CNTN5: variants seen among roughly 807,000 people sequenced by gnomAD.
CNTN5 encodes the protein contactin-5.
CNTN5 carries 77 observed loss-of-function variants against 129.1 expected under a neutral mutation model. That is an observed-to-expected ratio of 0.60 (90% confidence interval 0.50 to 0.72). The LOEUF (loss-of-function observed/expected upper bound fraction) is 0.72. CNTN5 is among the 30% of genes least tolerant of loss of function. The pLI, the probability that CNTN5 is intolerant of heterozygous loss-of-function variation, is 0.00. For missense variants in CNTN5, 1,478 were observed against 1,328.8 expected (o/e 1.11, Z -1.75); for synonymous variants, 509 against 465.6 (o/e 1.09, Z -1.20).
intron 9 of CNTN5, among the ~76,000 whole-genome samples, chr11:100,043,152 A>C (rs924129718): frequency 6.6e-6 from 1 of 152,220 alleles, no homozygotes. Context: ...TTTAAATCTT[A>C]AACACTTACA....
At chr11:99,765,504 T>A (rs1213126913) in intron 3 of CNTN5, among the ~76,000 whole-genome samples, 1 of 151,922 alleles carries the variant, frequency 6.6e-6, no homozygotes, top group Admixed American at 6.6e-5. Context: ...TGATTTGATA[T>A]AGAAGATTAA....
At chr11:100,092,007 A>G (rs531284475) in intron 13 of CNTN5, among the ~76,000 whole-genome samples, 22 of 152,208 alleles carry the variant, frequency 1.4e-4, no homozygotes, top group African/African-American at 5.1e-4. Context: ...AGTATTATAT[A>G]CCACTCTGAA....
rs1478332933 is a variant in CNTN5, at chr11:99,916,099, G to C, written c.623G>C (p.Arg208Thr). Reference protein sequence around the residue: ...SGRTRSAVSVREGQGVVLMCS... With the variant: ...SGRTRSAVSVTEGQGVVLMCS... ...CGGACAAGAAGTGCAGTCTCTGTGA[G>C]GGAAGGCCAGGGTGTCGTTCTGATG... The change falls in exon 7 of 25, where the codon AGG (arginine) becomes ACG (threonine). Residue 208 changes from arginine (R) to threonine (T), a missense_variant. Coordinates refer to ENST00000524871, the MANE Select transcript of CNTN5 (RefSeq NM_014361.4). 1 of 1,612,356 alleles carries C rather than the reference G, an allele frequency of 6.2e-7. No homozygotes were observed. The highest frequency in any genetic ancestry group is 8.5e-7 in the Non-Finnish European group (1 of 1,179,252).
At chr11:99,327,880 C>G (rs1012238074) in intron 2 of CNTN5, among the ~76,000 whole-genome samples, 1 of 152,140 alleles carries the variant, frequency 6.6e-6, no homozygotes, top group Non-Finnish European at 1.5e-5. Context: ...ATAACTTATA[C>G]AACTCATCCA....
At chr11:100,251,481 T>C (rs764680306) in intron 16 of CNTN5, among the ~76,000 whole-genome samples, 1 of 152,110 alleles carries the variant, frequency 6.6e-6, no homozygotes, top group Non-Finnish European at 1.5e-5. Context: ...TTGTTAACTA[T>C]AGTCATCCTA....
At chr11:99,346,440 G>C (rs1469850270) in intron 2 of CNTN5, among the ~76,000 whole-genome samples, 1 of 152,178 alleles carries the variant, frequency 6.6e-6, no homozygotes, top group Non-Finnish European at 1.5e-5. Context: ...AGGCCTGGTG[G>C]CCCTTGTGAC....
chr11:100,306,300 G>A (rs1175725183), intron 20 of CNTN5, among the ~76,000 whole-genome samples: 3 of 151,526 alleles, frequency 2.0e-5, no homozygotes, highest in Non-Finnish European at 3.0e-5. Flanking sequence ...CTTTCTATTT[G>A]AGAAATACTT....
chr11:99,096,765 A>G (rs912832858), intron 1 of CNTN5, among the ~76,000 whole-genome samples: 2 of 151,736 alleles, frequency 1.3e-5, no homozygotes, highest in Non-Finnish European at 3.0e-5. Context: ...AAACTAGTCT[A>G]CTAAATACGT....
At chr11:99,712,009 G>A (rs1359757097) in intron 3 of CNTN5, among the ~76,000 whole-genome samples, 3 of 151,992 alleles carry the variant, frequency 2.0e-5, no homozygotes, top group Non-Finnish European at 4.4e-5. Context: ...TAATATAATG[G>A]CTAGGTCAAA....
intron 1 of CNTN5, among the ~76,000 whole-genome samples, chr11:99,289,740 T>G (rs1447499581): frequency 6.6e-6 from 1 of 151,794 alleles, no homozygotes; most frequent in Admixed American, 6.6e-5. Context: ...CAAGTGTTGA[T>G]CATTGTAAAA....
intron 1 of CNTN5, among the ~76,000 whole-genome samples, chr11:99,177,432 G>A (rs935624182): frequency 2.6e-5 from 4 of 152,176 alleles, no homozygotes; most frequent in Admixed American, 6.5e-5. Context: ...GACATTTAAC[G>A]AAATAGGGCT....
chr11:99,921,726 C>G (rs1404529456), intron 7 of CNTN5, among the ~76,000 whole-genome samples: 1 of 151,952 alleles, frequency 6.6e-6, no homozygotes, highest in Non-Finnish European at 1.5e-5. Context: ...TTGCCTAGGA[C>G]AGAGTATGAG....
intron 2 of CNTN5, among the ~76,000 whole-genome samples, chr11:99,532,838 T>A (rs1947764765): frequency 6.6e-6 from 1 of 152,204 alleles, no homozygotes; most frequent in Admixed American, 6.5e-5. Flanking sequence ...AGTATGTCTT[T>A]ATCAGCAGTG....
intron 3 of CNTN5, among the ~76,000 whole-genome samples, chr11:99,630,124 G>T (rs1274987333): frequency 1.3e-5 from 2 of 151,478 alleles, no homozygotes; most frequent in Admixed American, 6.6e-5. Context: ...AATAAATTAC[G>T]ATAAAATAAT....
At chr11:99,191,881 C>T (rs778398582) in intron 1 of CNTN5, among the ~76,000 whole-genome samples, 22 of 151,680 alleles carry the variant, frequency 1.5e-4, no homozygotes, top group Admixed American at 3.3e-4. Flanking sequence ...AACAACTTAA[C>T]ATTTTCCTCA....
At chr11:100,035,212 C>T (rs922037869) in intron 9 of CNTN5, among the ~76,000 whole-genome samples, 2 of 49,080 alleles carry the variant, frequency 4.1e-5, no homozygotes, top group Non-Finnish European at 6.4e-5. Context: ...TGAGTGAGAA[C>T]ATGTGTGTTT....
intron 10 of CNTN5, among the ~76,000 whole-genome samples, chr11:100,069,467 T>C (rs1943821681): frequency 1.3e-5 from 2 of 152,114 alleles, no homozygotes; most frequent in African/African-American, 4.8e-5. Flanking sequence ...CGTGCAGTTG[T>C]TTAATACATC....
At chr11:99,972,932 G>A (rs1379008403) in intron 8 of CNTN5, among the ~76,000 whole-genome samples, 1 of 135,280 alleles carries the variant, frequency 7.4e-6, no homozygotes, top group African/African-American at 2.6e-5. Flanking sequence ...AAAATGTACT[G>A]AGTGTTTCCG....
intron 13 of CNTN5, among the ~76,000 whole-genome samples, chr11:100,172,520 A>T (rs7932942): frequency 0.055 from 8,440 of 152,124 alleles, 775 homozygotes; most frequent in African/African-American, 0.19. Flanking sequence ...TGTGTGGGTG[A>T]AAAGATAATA....
Sources: allele counts gnomAD v4.1 joint callset (sites outside exome capture counted in the v4.1 genomes callset), GRCh38; gene constraint gnomAD v4.1.1; transcripts MANE v1.5; gene names NCBI Gene and HGNC (gene_info 2026-07-23, HGNC 2026-07-21).